Variants in EFTUD2 observed in about 807,000 individuals in gnomAD.
EFTUD2 encodes the protein 116 kDa U5 small nuclear ribonucleoprotein component.
EFTUD2 carries 9 observed loss-of-function variants against 114.3 expected under a neutral mutation model. That is an observed-to-expected ratio of 0.08 (90% CI 0.05 to 0.14). The LOEUF is 0.14. EFTUD2 is among the 10% of genes least tolerant of loss of function. The pLI is 1.00. For missense variants in EFTUD2, 765 were observed against 1,241.2 expected, an observed-to-expected ratio of 0.62 and a Z score of 5.76; for synonymous variants, 449 against 462.3, an observed-to-expected ratio of 0.97 and a Z score of 0.37.
chr17:44,856,250 T>G (rs1008754935), intron 20 of EFTUD2, among the ~76,000 whole-genome samples: 4 of 151,592 alleles, frequency 2.6e-5, no homozygotes, highest in African/African-American at 9.7e-5. Flanking sequence ...AGGTTTAAGC[T>G]GGGCGTGGTG....
At chr17:44,878,023 C>T (rs1343868868) in intron 9 of EFTUD2, among the ~76,000 whole-genome samples, 2 of 152,062 alleles carry the variant, frequency 1.3e-5, no homozygotes, top group Non-Finnish European at 2.9e-5. Flanking sequence ...GTAATCTCAG[C>T]TATTTGGGAG....
chr17:44,886,696 C>G lies in EFTUD2; in HGVS notation c.160G>C (p.Gly54Arg). 5 of 1,614,200 alleles carry G rather than the reference C, an allele frequency of 3.1e-6. No individual in the cohort carries two copies. The highest frequency in any genetic ancestry group is 4.2e-6 in the Non-Finnish European group (5 of 1,180,032). The change falls in exon 3 of 28, where the codon GGG becomes CGG. Residue 54 changes from glycine (G) to arginine (R), a missense_variant. This residue lies in a region of EFTUD2 where 121 missense variants were observed against 133.7 expected (regional missense o/e 0.90). Coordinates refer to ENST00000426333, the MANE Select transcript of EFTUD2 (RefSeq NM_004247.4). ...TCCTCATGCAGCACCACCTCCATCC[C>G]AGGGTGGTCATCGTCATGATCTCCT... ...DVGDHDDDHPGMEVVLHEDKK... is the reference protein window; with the variant it reads ...DVGDHDDDHPRMEVVLHEDKK...
At chr17:44,895,445 G>A (rs1476158869) in intron 1 of EFTUD2, among the ~76,000 whole-genome samples, 4 of 147,970 alleles carry the variant, frequency 2.7e-5, no homozygotes, top group East Asian at 4.0e-4. Context: ...GCAGTGAGGC[G>A]AGATGGCACC....
chr17:44,862,662 AGCCCC>A (rs2050678757), intron 16 of EFTUD2, 46 bp downstream of exon 16: 2 of 1,534,744 alleles, frequency 1.3e-6, no homozygotes, highest in East Asian at 4.7e-5. Context: ...CCTTGGGGGC[AGCCCC>A]TGGATAGACA....
intron 11 of EFTUD2, among the ~76,000 whole-genome samples, chr17:44,869,384 G>A (rs541516577): frequency 3.3e-5 from 5 of 152,154 alleles, no homozygotes; most frequent in East Asian, 1.9e-4. Flanking sequence ...CTGCAGCCTC[G>A]ACCTTCCTGG....
chr17:44,865,327 G>T (rs943471549), intron 13 of EFTUD2: 3 of 376,348 alleles, frequency 8.0e-6, no homozygotes, highest in Non-Finnish European at 1.4e-5. Context: ...TCCCAGTGCT[G>T]CCCCCTGGTG....
At chr17:44,860,206 C>T in intron 17 of EFTUD2, 161 bp from the exon 18 acceptor site, 1 of 990,352 alleles carries the variant, frequency 1.0e-6, no homozygotes. Flanking sequence ...CATTTCTTCC[C>T]AGGTATTCTG....
At chr17:44,880,512 C>T in intron 8 of EFTUD2, 42 bp downstream of exon 8, 1 of 1,543,980 alleles carries the variant, frequency 6.5e-7, no homozygotes, top group Non-Finnish European at 8.9e-7. Flanking sequence ...CACGCAAAAC[C>T]AAGACAAGGT....
chr17:44,851,892 T>C, intron 26 of EFTUD2, 75 bp from the exon 27 acceptor site: 1 of 1,197,826 alleles, frequency 8.3e-7, no homozygotes, highest in Non-Finnish European at 1.2e-6. Context: ...GGACTCTTCT[T>C]ATTTATTTTA....
Position 44,863,712 on chromosome 17 carries a change from G to C in EFTUD2, c.1356C>G (p.Thr452=), listed in dbSNP as rs1488646250. ...KVGAKPKIEH[T]YTGGVDSDLG... ...GGTCGGAGTCCACACCACCGGTGTA[G>C]GTGTGCTCAATCTTGGGCTTGGCGC... The change falls in exon 15 of 28, where the codon ACC becomes ACG. Residue 452 remains threonine, a synonymous_variant. Transcript: ENST00000426333. The C allele has an allele frequency of 1.2e-6, 2 of 1,614,230 alleles. No homozygotes were observed. Among genetic ancestry groups the C allele is most frequent in the Middle Eastern group, 1.6e-4 (1 of 6,062 alleles).
At chr17:44,896,722 A>G (rs1167247844) in intron 1 of EFTUD2, among the ~76,000 whole-genome samples, 2 of 152,360 alleles carry the variant, frequency 1.3e-5, no homozygotes, top group South Asian at 2.1e-4. Context: ...TAAGCAATAA[A>G]TAACAGACTA....
At chr17:44,852,770 C>T (rs1202523672) in intron 25 of EFTUD2, among the ~76,000 whole-genome samples, 1 of 152,166 alleles carries the variant, frequency 6.6e-6, no homozygotes, top group Non-Finnish European at 1.5e-5. Flanking sequence ...AACCTCTGGG[C>T]AGAGGACAGG....
Position 44,882,657 on chromosome 17 carries a change from T to C in EFTUD2, c.492+436A>G, listed in dbSNP as rs187285750. Among the ~76,000 whole-genome samples, 15 of 152,360 alleles carry C rather than the reference T, an allele frequency of 9.8e-5. No individual in the cohort carries two copies. In the East Asian group the frequency reaches 2.7e-3, roughly 27 times the overall value. On this transcript the variant is annotated intron_variant, in intron 6 of 27. Transcript: ENST00000426333. ...AAAGGGAGACACATGTCAGCCTTAATGCTAAAGTGTTAAAACAATCAATCT... is the reference window on the plus strand; with the variant it reads ...AAAGGGAGACACATGTCAGCCTTAACGCTAAAGTGTTAAAACAATCAATCT...
At chr17:44,897,215 CA>C (rs60766041) in intron 1 of EFTUD2, among the ~76,000 whole-genome samples, 3,353 of 66,464 alleles carry the variant, frequency 0.05, 34 homozygotes, top group African/African-American at 0.12. Flanking sequence ...GACTCCGTCT[CA>C]AAAAAAAAAA....
At position 44,868,004 on chromosome 17, in the gene EFTUD2, T is replaced by G. The variant is rs571230672; in HGVS notation, c.1059-107A>C. Reference sequence around the variant, plus strand: ...TCTGAACAACAGCCCAGGGGAGGAATGTGTGTGTGACTGTAAAGTTTCCAG... The same window carrying G: ...TCTGAACAACAGCCCAGGGGAGGAAGGTGTGTGTGACTGTAAAGTTTCCAG... On this transcript the variant is annotated intron_variant, in intron 12 of 27. Transcript: ENST00000426333. 8.9e-6 allele frequency: 10 copies of G among 1,129,280 alleles called. 1 individual carries two copies. The highest frequency in any genetic ancestry group is 1.2e-5 in the Non-Finnish European group (10 of 802,650). The allele number at this position is 1,129,280 out of a possible 1,614,324, so 70.0% of individuals were successfully genotyped here.
intron 2 of EFTUD2, among the ~76,000 whole-genome samples, 181 bp from the exon 3 acceptor site, chr17:44,886,931 G>A (rs143136055): frequency 5.5e-4 from 84 of 152,284 alleles, no homozygotes; most frequent in African/African-American, 1.9e-3. Context: ...ACTCTAAGCC[G>A]AGGCCATGGA....
intron 20 of EFTUD2, among the ~76,000 whole-genome samples, chr17:44,856,513 G>C (rs1297436290): frequency 6.7e-6 from 1 of 148,396 alleles, no homozygotes; most frequent in Non-Finnish European, 1.5e-5. Context: ...CTGGGCGACA[G>C]AGCGAGACTG....
rs149799961 is a variant in EFTUD2, at chr17:44,872,236, C to T, written c.994+210G>A. On this transcript the variant is annotated intron_variant, in intron 11 of 27. Transcript: ENST00000426333. ...GACCTCCTTCTTCTCCCATGTCCTC[C>T]TATTCACTTTTATTTTTCTATTATT... 2.4e-3 allele frequency among the ~76,000 whole-genome samples: 371 copies of T among 152,286 alleles called. 3 individuals carry two copies. Among genetic ancestry groups the T allele is most frequent in the African/African-American group, 8.6e-3 (357 of 41,558 alleles).
chr17:44,870,086 A>G (rs1440429762), intron 11 of EFTUD2, among the ~76,000 whole-genome samples: 1 of 152,204 alleles, frequency 6.6e-6, no homozygotes, highest in Non-Finnish European at 1.5e-5. Context: ...GATCTCTTCA[A>G]TATTCCCTTC....
Sources: gnomAD v4.1 joint callset for allele counts (sites outside exome capture counted in the v4.1 genomes callset) on GRCh38, gnomAD v4.1.1 for gene constraint, gnomAD v4.1.1 regional missense constraint, MANE v1.5 for transcripts, NCBI Gene and HGNC (gene_info 2026-07-23, HGNC 2026-07-21) for gene names.